The following DNAJC1 variants were observed in gnomAD, a reference collection of about 807,000 sequenced individuals.
DNAJC1 encodes DnaJ heat shock protein family (Hsp40) member C1, also known as dnaJ homolog subfamily C member 1.
Under a neutral mutation model 76.6 loss-of-function variants are expected in DNAJC1, and 58 were observed. The ratio of observed to expected loss-of-function variants is 0.76; its 90% CI spans 0.61 to 0.94. DNAJC1 has a LOEUF of 0.94. Ranked by LOEUF, DNAJC1 falls within the 40% of genes least tolerant of loss-of-function variation. The pLI is 0.00. For missense variants in DNAJC1, 689 were observed against 677.3 expected, an observed-to-expected ratio of 1.02 and a Z score of -0.19; for synonymous variants, 258 against 267.9, an observed-to-expected ratio of 0.96 and a Z score of 0.36.
intron 8 of DNAJC1, among the ~76,000 whole-genome samples, chr10:21,822,189 A>G (rs1163541704): frequency 6.6e-6 from 1 of 152,158 alleles, no homozygotes; most frequent in African/African-American, 2.4e-5. Flanking sequence ...GCTCACACCC[A>G]TAATCCCAGG....
chr10:21,986,408 C>T (rs976981863), intron 1 of DNAJC1, among the ~76,000 whole-genome samples: 2 of 152,116 alleles, frequency 1.3e-5, no homozygotes, highest in Non-Finnish European at 2.9e-5. Flanking sequence ...ATAACTACTA[C>T]TATTGAGTAC....
intron 8 of DNAJC1, among the ~76,000 whole-genome samples, chr10:21,809,538 TATAAC>T (rs990288232): frequency 1.4e-4 from 21 of 151,342 alleles, no homozygotes; most frequent in Non-Finnish European, 2.2e-4. Flanking sequence ...TACATAATAA[TATAAC>T]ATATTATTAG....
chr10:21,934,652 G>A (rs1837283232), intron 1 of DNAJC1, among the ~76,000 whole-genome samples: 1 of 152,168 alleles, frequency 6.6e-6, no homozygotes, highest in South Asian at 2.1e-4. Flanking sequence ...ACAGTGTTCA[G>A]TACAGTAACA....
chr10:21,825,443 G>C (rs1212397682), intron 8 of DNAJC1, among the ~76,000 whole-genome samples: 1 of 152,096 alleles, frequency 6.6e-6, no homozygotes, highest in Admixed American at 6.5e-5. Context: ...ATGAACATCT[G>C]GGCTCCTTCC....
chr10:21,807,674 A>T (rs1834901021), intron 8 of DNAJC1, among the ~76,000 whole-genome samples: 1 of 152,180 alleles, frequency 6.6e-6, no homozygotes, highest in Non-Finnish European at 1.5e-5. Flanking sequence ...AGTAGGGAGG[A>T]TTTTATCAAT....
chr10:21,815,739 C>T (rs570521822), intron 8 of DNAJC1, among the ~76,000 whole-genome samples: 1 of 151,728 alleles, frequency 6.6e-6, no homozygotes, highest in African/African-American at 2.4e-5. Flanking sequence ...AGGCAGAGGT[C>T]AAGGTTCATT....
intron 1 of DNAJC1, 42 bp from the exon 2 acceptor site, chr10:21,929,183 G>T: frequency 7.1e-7 from 1 of 1,398,864 alleles, no homozygotes; most frequent in Non-Finnish European, 1.0e-6. Context: ...AGCAAACTTT[G>T]TCAGAAAAAG....
intron 1 of DNAJC1, among the ~76,000 whole-genome samples, chr10:21,998,800 A>G (rs1838465130): frequency 6.6e-6 from 1 of 152,240 alleles, no homozygotes; most frequent in South Asian, 2.1e-4. Flanking sequence ...AAATCTGTTG[A>G]GTAAAAACTG....
At chr10:22,000,286 A>T (rs1301139822) in intron 1 of DNAJC1, among the ~76,000 whole-genome samples, 1 of 152,222 alleles carries the variant, frequency 6.6e-6, no homozygotes, top group Non-Finnish European at 1.5e-5. Context: ...TGCCTCACAG[A>T]CTATACTCAG....
intron 10 of DNAJC1, among the ~76,000 whole-genome samples, chr10:21,764,135 T>A (rs1834270288): frequency 6.6e-6 from 1 of 152,086 alleles, no homozygotes; most frequent in African/African-American, 2.4e-5. Flanking sequence ...AAACAAAATG[T>A]CCAACAATAG....
At chr10:21,826,808 C>T (rs1209937451) in intron 8 of DNAJC1, among the ~76,000 whole-genome samples, 3 of 152,126 alleles carry the variant, frequency 2.0e-5, no homozygotes, top group Non-Finnish European at 4.4e-5. Context: ...CATGTTTGAC[C>T]ATATATGCAA....
intron 7 of DNAJC1, among the ~76,000 whole-genome samples, chr10:21,895,096 T>C (rs1366230428): frequency 6.6e-6 from 1 of 152,220 alleles, no homozygotes; most frequent in African/African-American, 2.4e-5. Flanking sequence ...GGTGCTACTA[T>C]AACAAATACC....
intron 8 of DNAJC1, among the ~76,000 whole-genome samples, chr10:21,875,014 G>A (rs1836162515): frequency 6.6e-6 from 1 of 151,986 alleles, no homozygotes; most frequent in South Asian, 2.1e-4. Flanking sequence ...CCAAGTAGCT[G>A]GGATTACAGG....
chr10:21,817,046 G>C (rs1282189850), intron 8 of DNAJC1, among the ~76,000 whole-genome samples: 1 of 147,874 alleles, frequency 6.8e-6, no homozygotes, highest in Non-Finnish European at 1.5e-5. Flanking sequence ...TGTAGTCCCA[G>C]CTACTCAGGA....
intron 9 of DNAJC1, among the ~76,000 whole-genome samples, chr10:21,769,316 A>G (rs1170350500): frequency 1.3e-5 from 2 of 152,210 alleles, no homozygotes; most frequent in African/African-American, 4.8e-5. Context: ...CATTAAGCTT[A>G]CTATGCAATA....
intron 9 of DNAJC1, among the ~76,000 whole-genome samples, chr10:21,782,939 A>T (rs1244945823): frequency 3.9e-5 from 6 of 152,242 alleles, no homozygotes; most frequent in Non-Finnish European, 8.8e-5. Flanking sequence ...CCCACAGCCA[A>T]TATCACATTG....
At chr10:21,928,380 C>A (rs1837163883) in intron 3 of DNAJC1, 126 bp downstream of exon 3, 3 of 799,688 alleles carry the variant, frequency 3.8e-6, no homozygotes, top group Non-Finnish European at 6.0e-6. Flanking sequence ...TAAAACACTG[C>A]ATTTCTCGGA....
intron 8 of DNAJC1, among the ~76,000 whole-genome samples, chr10:21,857,591 A>G (rs998308684): frequency 6.6e-6 from 1 of 152,184 alleles, no homozygotes; most frequent in Admixed American, 6.5e-5. Flanking sequence ...GAGAGAGAAG[A>G]AGGAAATCAG....
chr10:21,891,196 AT>A (rs1836456166), intron 7 of DNAJC1, among the ~76,000 whole-genome samples: 1 of 152,186 alleles, frequency 6.6e-6, no homozygotes, highest in Non-Finnish European at 1.5e-5. Flanking sequence ...TCTCAAAAAA[AT>A]AAATAAATAA....
Sources: gnomAD v4.1 joint callset for allele counts (sites outside exome capture counted in the v4.1 genomes callset) on GRCh38, gnomAD v4.1.1 for gene constraint, MANE v1.5 for transcripts, NCBI Gene and HGNC (gene_info 2026-07-23, HGNC 2026-07-21) for gene names.